SLC38A10: variants seen among roughly 807,000 people sequenced by gnomAD.
SLC38A10 encodes the protein Sodium-coupled neutral amino acid transporter 10.
A neutral mutation model predicts 81.0 loss-of-function variants in SLC38A10; 53 were observed. The ratio of observed to expected loss-of-function variants is 0.65; its 90% CI spans 0.53 to 0.82. SLC38A10 has a LOEUF of 0.82. Among genes scored for constraint, SLC38A10 ranks in the 40% least tolerant of loss-of-function variants. The pLI, the probability that SLC38A10 is intolerant of heterozygous loss-of-function variation, is 0.00. For synonymous variants in SLC38A10, 665 were observed against 655.3 expected (o/e 1.01, Z -0.23); for missense variants, 1,471 against 1,545.0 (o/e 0.95, Z 0.80).
intron 1 of SLC38A10, among the ~76,000 whole-genome samples, chr17:81,294,389 A>G (rs2063331975): frequency 6.6e-6 from 1 of 152,114 alleles, no homozygotes. Flanking sequence ...GATGTTTTTA[A>G]TCACCTTGCA....
At chr17:81,252,045 G>T in intron 13 of SLC38A10, 150 bp downstream of exon 13, 1 of 1,160,314 alleles carries the variant, frequency 8.6e-7, no homozygotes, top group Non-Finnish European at 1.2e-6. Flanking sequence ...GTCCCCACCA[G>T]CTGCCGGGGC....
intron 14 of SLC38A10, 111 bp downstream of exon 14, chr17:81,251,382 A>AG (rs745565267): frequency 1.9e-6 from 3 of 1,612,520 alleles, no homozygotes. Context: ...TGGAAAGAGA[A>AG]GGGGGGCCTG....
At chr17:81,275,879 C>G (rs981405789) in intron 8 of SLC38A10, 90 bp downstream of exon 8, 5 of 1,429,918 alleles carry the variant, frequency 3.5e-6, no homozygotes, top group Non-Finnish European at 3.8e-6. Flanking sequence ...CACTTTCCTG[C>G]TATATCTCTG....
chr17:81,284,380 C>T (rs758735555), intron 3 of SLC38A10, among the ~76,000 whole-genome samples: 13 of 152,022 alleles, frequency 8.6e-5, no homozygotes, highest in Non-Finnish European at 1.5e-4. Context: ...AAAAGCCCCA[C>T]GATGTTAGTC....
rs1221829072 is a variant in SLC38A10, at chr17:81,266,717, T to C, written c.1131+4201A>G. ...AGCCAACAGCCACCTGGGAAACAGA[T>C]GGGAACGAAGGACCTACAGTGAGGT... On this transcript the variant is annotated intron_variant, in intron 10 of 15. Coordinates refer to ENST00000374759, the MANE Select transcript of SLC38A10 (RefSeq NM_001037984.3). Among the ~76,000 whole-genome samples, 3 of 151,810 alleles carry C rather than the reference T, an allele frequency of 2.0e-5. No individual in the cohort carries two copies. The East Asian group carries it at 5.8e-4, about 29-fold the overall frequency.
rs1172400622 is a variant in SLC38A10, at chr17:81,252,471, C to T, written c.1669G>A (p.Val557Ile). ...TGGGCCTGTCCAGGCCTCTTCCCAA[C>T]CTCTCCCTGCTCCGGCTCTTGTTTC... ...REKQEPEQGE[V>I]GKRPGQAQAL... The change falls in exon 13 of 16, where the codon GTT (valine) becomes ATT (isoleucine). Residue 557 changes from valine (V) to isoleucine (I), a missense_variant. Around this residue, in one of 2 missense-constraint regions of SLC38A10, gnomAD observed 720 missense variants for 827.7 expected, o/e 0.87. Transcript: ENST00000374759. The T allele has an allele frequency of 6.2e-7, 1 of 1,613,222 alleles. No homozygotes were observed. Among genetic ancestry groups the T allele is most frequent in the African/African-American group, 1.3e-5 (1 of 74,940 alleles).
Position 81,277,166 on chromosome 17 carries a change from TGAGAGAG to T in SLC38A10, c.627-40_627-34del. The T allele has an allele frequency of 6.2e-7, 1 of 1,601,650 alleles. No homozygotes were observed. Among genetic ancestry groups the T allele is most frequent in the Non-Finnish European group, 8.5e-7 (1 of 1,169,990 alleles). ...GAAACAGGCCATTTCACAGCGGACC[TGAGAGAG>T]GCACGCCCTCCCCAGCGGCTCCACT... On this transcript the variant is annotated intron_variant, in intron 6 of 15. Transcript: ENST00000374759. This position sits in a 1 kb window ranked among gnomAD's most constrained non-coding sequence, Gnocchi z 4.5.
In SLC38A10 at chr17:81,276,485, T is replaced by C. The variant is rs954862572; in HGVS notation, c.730-334A>G. 5.9e-5 allele frequency among the ~76,000 whole-genome samples: 9 copies of C among 151,700 alleles called. No homozygotes were observed. The highest frequency in any genetic ancestry group is 1.0e-4 in the Non-Finnish European group (7 of 67,924). On this transcript the variant is annotated intron_variant, in intron 7 of 15. Transcript: ENST00000374759. The surrounding 1 kb of genome is among the most constrained non-coding windows in gnomAD (Gnocchi z 4.7). ...CGGCGTACCTCTGCCTCCCCGGTCC[T>C]GGTTCAAGCAATTCTCCTGCCTCAG...
Position 81,252,524 on chromosome 17 carries a change from G to A in SLC38A10, c.1616C>T (p.Ala539Val), listed in dbSNP as rs779022033. 62 of 1,613,130 alleles carry A rather than the reference G, an allele frequency of 3.8e-5. 2 individuals are homozygous for A. Among genetic ancestry groups the A allele is most frequent in the Middle Eastern group, 1.6e-4 (1 of 6,084 alleles). Residue 539 changes from alanine (A) to valine (V), a missense_variant, in exon 13 of 16, where the codon GCG becomes GTG. Ala to Val is a moderately conservative substitution (Grantham distance 64, BLOSUM62 0). Transcript: ENST00000374759. Reference sequence around the variant, plus strand: ...TCTTTCTGAGTCGGGCAGAGGCGGCGCCATCTGGCCCTGGACCCCTGGAGC... The same window carrying A: ...TCTTTCTGAGTCGGGCAGAGGCGGCACCATCTGGCCCTGGACCCCTGGAGC... ...GKAPGVQGQM[A>V]PPLPDSEREK... is the part of the protein sequence containing the mutation.
In SLC38A10 at chr17:81,246,984, A is replaced by G. The variant is rs746211225; in HGVS notation, c.2143T>C (p.Leu715=). ...AGCAGCTTCTCCTGCTGGTCCAGCA[A>G]GCGCTTTTGCTGCACCTGCTGTTCT... ...IKEQQVQQKR[L]LDQQEKLLAV... is the part of the protein sequence containing the mutation. Residue 715 remains leucine, a synonymous_variant, in exon 15 of 16, where the codon TTG becomes CTG. Transcript: ENST00000374759. The G allele has an allele frequency of 1.2e-6, 2 of 1,606,458 alleles. No individual in the cohort carries two copies. The highest frequency in any genetic ancestry group is 1.7e-6 in the Non-Finnish European group (2 of 1,179,628).
rs566667516 is a variant in SLC38A10 at position 81,270,064 on chromosome 17, G to A, written c.1131+854C>T. Among the ~76,000 whole-genome samples, 2 of 152,118 alleles carry A rather than the reference G, an allele frequency of 1.3e-5. No homozygotes were observed. Among genetic ancestry groups the A allele is most frequent in the African/African-American group, 4.8e-5 (2 of 41,408 alleles). On this transcript the variant is annotated intron_variant, in intron 10 of 15. Coordinates refer to ENST00000374759, the MANE Select transcript of SLC38A10 (RefSeq NM_001037984.3). This position sits in a 1 kb window ranked among gnomAD's most constrained non-coding sequence, Gnocchi z 4.0. ...ACAAGCAGTTCACAGAAAAAGAAACGCAAGTGGCTTCTAAACCCATGAAAA... is the reference window on the plus strand; with the variant it reads ...ACAAGCAGTTCACAGAAAAAGAAACACAAGTGGCTTCTAAACCCATGAAAA...
rs188987392 is a variant in SLC38A10 at position 81,294,412 on chromosome 17, A to C, written c.99+411T>G. 2.1e-3 allele frequency among the ~76,000 whole-genome samples: 325 copies of C among 152,260 alleles called. 4 individuals carry two copies. The highest frequency in any genetic ancestry group is 7.4e-3 in the African/African-American group (307 of 41,546). On this transcript the variant is annotated intron_variant, in intron 1 of 15. Coordinates refer to ENST00000374759, the MANE Select transcript of SLC38A10 (RefSeq NM_001037984.3). ...TAATCACCTTGCAACCAAGGTCCCTATCTAGTGTCGAAGCCTGGGAGTGGT... is the reference window on the plus strand; with the variant it reads ...TAATCACCTTGCAACCAAGGTCCCTCTCTAGTGTCGAAGCCTGGGAGTGGT...
chr17:81,284,873 T>C lies in SLC38A10; in HGVS notation c.240A>G (p.Ala80=), dbSNP rs2063249228. Residue 80 remains alanine (A), a synonymous_variant, in exon 3 of 16, where the codon GCA becomes GCG. Transcript: ENST00000374759. Reference sequence around the variant, plus strand: ...ACCTGGTCTCCACCAGCATCTTGCCTGCCTTCCCGTAGGCGTGGAATGCTA... The same window carrying C: ...ACCTGGTCTCCACCAGCATCTTGCCCGCCTTCCCGTAGGCGTGGAATGCTA... ...AGLAFHAYGK[A]GKMLVETSMI... 1.3e-6 allele frequency: 2 copies of C among 1,545,408 alleles called. No individual in the cohort carries two copies. The highest frequency in any genetic ancestry group is 1.7e-6 in the Non-Finnish European group (2 of 1,144,112).
intron 2 of SLC38A10, among the ~76,000 whole-genome samples, chr17:81,287,800 A>G (rs2063279998): frequency 6.6e-6 from 1 of 152,168 alleles, no homozygotes; most frequent in African/African-American, 2.4e-5. Context: ...GCTATCAGAA[A>G]TGGGGGCCTC....
rs1437599796 is a variant in SLC38A10, at chr17:81,281,072, G to A, written c.502-339C>T. ...CAGTTTCCGTCGGTTACAGAGGCTG[G>A]TTTCCCACGTGGGCAGGTCCCTCCC... On this transcript the variant is annotated intron_variant, in intron 5 of 15. Coordinates refer to ENST00000374759, the MANE Select transcript of SLC38A10 (RefSeq NM_001037984.3). The surrounding 1 kb of genome is among the most constrained non-coding windows in gnomAD (Gnocchi z 5.3). 6.6e-6 allele frequency among the ~76,000 whole-genome samples: 1 copy of A among 152,222 alleles called. No individual in the cohort carries two copies. The highest frequency in any genetic ancestry group is 2.4e-5 in the African/African-American group (1 of 41,452).
intron 11 of SLC38A10, among the ~76,000 whole-genome samples, chr17:81,254,044 C>A (rs1012739041): frequency 1.3e-5 from 2 of 152,138 alleles, no homozygotes; most frequent in African/African-American, 4.8e-5. Context: ...TCCACCGTCA[C>A]TGCCATCACC....
chr17:81,266,391 G>A (rs1321102624), intron 10 of SLC38A10, among the ~76,000 whole-genome samples: 6 of 152,130 alleles, frequency 3.9e-5, no homozygotes, highest in African/African-American at 7.2e-5. Flanking sequence ...AGGCCGAGGC[G>A]GGCGGATCAT....
chr17:81,267,294 G>A (rs1022186589), intron 10 of SLC38A10, among the ~76,000 whole-genome samples: 5 of 151,898 alleles, frequency 3.3e-5, no homozygotes, highest in Non-Finnish European at 7.4e-5. Flanking sequence ...ATAAAATACA[G>A]GTAGATCAAA....
intron 14 of SLC38A10, chr17:81,249,953 G>T: frequency 1.1e-6 from 1 of 943,816 alleles, no homozygotes; most frequent in Non-Finnish European, 1.4e-6. Flanking sequence ...TCTGGGGCCT[G>T]ACACGTGTCC....
Sources: allele counts gnomAD v4.1 joint callset (sites outside exome capture counted in the v4.1 genomes callset), GRCh38; gene constraint gnomAD v4.1.1; regional missense constraint gnomAD v4.1.1; non-coding constraint Gnocchi (gnomAD v3.1); transcripts MANE v1.5; gene names NCBI Gene and HGNC (gene_info 2026-07-23, HGNC 2026-07-21).